Variants in ANKRD11 observed in about 807,000 individuals in gnomAD.
ANKRD11 encodes ankyrin repeat domain-containing protein 11.
In ANKRD11, 17 loss-of-function variants were observed where a neutral mutation model predicts 195.7. The observed-to-expected ratio is 0.09, with a 90% CI of 0.06 to 0.13. The LOEUF (loss-of-function observed/expected upper bound fraction) is 0.13. Ranked by LOEUF, ANKRD11 falls within the 10% of genes least tolerant of loss-of-function variation. The probability of loss-of-function intolerance (pLI) is 1.00; values close to 1 mark genes in which losing one functional copy is unlikely to be tolerated. For synonymous variants in ANKRD11, 1,953 were observed against 1,528.1 expected (o/e 1.28, Z -6.49); for missense variants, 3,735 against 3,566.1 (o/e 1.05, Z -1.21).
chr16:89,348,476 G>C, intron 2 of ANKRD11, among the ~76,000 whole-genome samples: 1 of 152,142 alleles, frequency 6.6e-6, no homozygotes, highest in East Asian at 1.9e-4. Flanking sequence ...TAGAAAGACT[G>C]GATGTGTACC....
intron 2 of ANKRD11, among the ~76,000 whole-genome samples, chr16:89,330,408 A>C (rs1017774570): frequency 6.6e-6 from 1 of 151,908 alleles, no homozygotes; most frequent in African/African-American, 2.4e-5. Context: ...CCGCTCGCAC[A>C]CCGGGAGGGC....
chr16:89,467,279 A>C (rs1205511507), intron 1 of ANKRD11, among the ~76,000 whole-genome samples: 1 of 152,090 alleles, frequency 6.6e-6, no homozygotes, highest in Non-Finnish European at 1.5e-5. Flanking sequence ...AAAAAAAAAA[A>C]ACAGAAAGAT....
At position 89,310,455 on chromosome 16, in the gene ANKRD11, G is replaced by A. The variant is rs752865922; in HGVS notation, c.88-5111C>T. On this transcript the variant is annotated intron_variant, in intron 3 of 12. Transcript: ENST00000301030. The stretch of plus-strand genomic sequence containing the variant: ...CAATTTCCCTATTAACTTTGGAATC[G>A]TCTTATGAATTTCTACCCAAAAAAG... Among the ~76,000 whole-genome samples, 7 of 152,262 alleles carry A rather than the reference G, an allele frequency of 4.6e-5. No homozygotes were observed. In the South Asian group the frequency reaches 8.3e-4, roughly 18 times the overall value.
intron 2 of ANKRD11, among the ~76,000 whole-genome samples, chr16:89,398,605 G>T (rs888367304): frequency 1.3e-5 from 2 of 152,164 alleles, no homozygotes; most frequent in African/African-American, 4.8e-5. Context: ...AGCTGGGTGT[G>T]TTGGCACCTG....
At chr16:89,443,207 C>G (rs549210245) in intron 1 of ANKRD11, 44 of 152,258 alleles carry the variant, frequency 2.9e-4, no homozygotes, top group African/African-American at 1.0e-3. Flanking sequence ...CTCAAGTGAT[C>G]TGCCCGCCCT....
intron 2 of ANKRD11, among the ~76,000 whole-genome samples, chr16:89,406,430 G>C (rs1280638488): frequency 6.6e-6 from 1 of 152,204 alleles, no homozygotes; most frequent in Non-Finnish European, 1.5e-5. Flanking sequence ...AGTCCTAGAG[G>C]AGAAGCAGCA....
In ANKRD11 at chr16:89,286,120, G is replaced by A; in HGVS notation, c.811C>T (p.Leu271=). 6.2e-7 allele frequency: 1 copy of A among 1,614,218 alleles called. No homozygotes were observed. Among genetic ancestry groups the A allele is most frequent in the Non-Finnish European group, 8.5e-7 (1 of 1,180,046 alleles). The stretch of plus-strand genomic sequence containing the variant: ...ATCGTGGGGGAGTTGGCCACTTTCA[G>A]CGGCGTCTCGCCTTTCCTGTTGCTC... The part of the protein sequence containing the change: ...QQSNRKGETP[L]KVANSPTMVN... Residue 271 remains leucine (L), a synonymous_variant, in exon 8 of 13, where the codon CTG becomes TTG. Coordinates refer to ENST00000301030, the MANE Select transcript of ANKRD11 (RefSeq NM_013275.6).
At chr16:89,350,234 A>G (rs2039146519) in intron 2 of ANKRD11, among the ~76,000 whole-genome samples, 1 of 152,234 alleles carries the variant, frequency 6.6e-6, no homozygotes, top group Non-Finnish European at 1.5e-5. Flanking sequence ...GCTGGTGGGA[A>G]CACAAAACTG....
chr16:89,308,083 A>C (rs112883122), intron 3 of ANKRD11, among the ~76,000 whole-genome samples: 4 of 151,836 alleles, frequency 2.6e-5, no homozygotes, highest in Admixed American at 6.6e-5. Context: ...AGGTTCTACC[A>C]AACATGTGAA....
At chr16:89,318,236 G>A (rs565537756) in intron 2 of ANKRD11, among the ~76,000 whole-genome samples, 18 of 152,234 alleles carry the variant, frequency 1.2e-4, no homozygotes, top group Admixed American at 6.5e-4. Flanking sequence ...GGACACTCTC[G>A]GAGCATGGGC....
chr16:89,456,992 C>T (rs1157275001), intron 1 of ANKRD11, among the ~76,000 whole-genome samples: 3 of 145,760 alleles, frequency 2.1e-5, no homozygotes, highest in Non-Finnish European at 3.0e-5. Flanking sequence ...CGGAGTCTCG[C>T]TCTGTCGCCC....
At chr16:89,455,678 C>A (rs764983940) in intron 1 of ANKRD11, among the ~76,000 whole-genome samples, 2 of 152,110 alleles carry the variant, frequency 1.3e-5, no homozygotes, top group Middle Eastern at 3.2e-3. Context: ...TACCTGCTCA[C>A]ACACCTCATC....
At chr16:89,421,045 T>G (rs1049332821) in intron 1 of ANKRD11, among the ~76,000 whole-genome samples, 3 of 152,050 alleles carry the variant, frequency 2.0e-5, no homozygotes, top group African/African-American at 7.2e-5. Flanking sequence ...CATGGAGACA[T>G]GAAGGGTCAG....
chr16:89,269,917 T>C (rs2032987418), intron 12 of ANKRD11: 1 of 152,252 alleles, frequency 6.6e-6, no homozygotes, highest in Non-Finnish European at 1.5e-5. Flanking sequence ...TTTAATGTAG[T>C]CAAACATTTA....
intron 1 of ANKRD11, among the ~76,000 whole-genome samples, chr16:89,461,565 G>A (rs756543406): frequency 4.6e-5 from 7 of 152,024 alleles, no homozygotes; most frequent in Admixed American, 2.6e-4. Flanking sequence ...GGTCTCAAAC[G>A]CCTGTGCTCA....
intron 2 of ANKRD11, among the ~76,000 whole-genome samples, chr16:89,403,253 C>T (rs1320780437): frequency 6.6e-6 from 1 of 152,192 alleles, no homozygotes; most frequent in African/African-American, 2.4e-5. Context: ...GTATCTGATG[C>T]GCACTCACTC....
Position 89,284,918 on chromosome 16 carries a change from G to A in ANKRD11, c.1624C>T (p.His542Tyr). Reference protein sequence around the residue: ...QKQNPSHTDQHTKHWRTDNWK... With the variant: ...QKQNPSHTDQYTKHWRTDNWK... ...TTGTCTGTCCGCCAGTGCTTGGTGT[G>A]CTGGTCTGTGTGGCTGGGGTTCTGC... Residue 542 changes from histidine (H) to tyrosine (Y), a missense_variant, in exon 9 of 13, where the codon CAC (histidine) becomes TAC (tyrosine). Transcript: ENST00000301030. 6.2e-7 allele frequency: 1 copy of A among 1,614,182 alleles called. No individual in the cohort carries two copies. Among genetic ancestry groups the A allele is most frequent in the Non-Finnish European group, 8.5e-7 (1 of 1,180,040 alleles).
intron 4 of ANKRD11, chr16:89,301,697 G>T: frequency 2.5e-6 from 1 of 398,732 alleles, no homozygotes; most frequent in Non-Finnish European, 4.4e-6. Flanking sequence ...CCTCCAGGCT[G>T]CTGTGCAGGG....
At position 89,291,946 on chromosome 16, in the gene ANKRD11, C is replaced by A; in HGVS notation, c.227-763G>T. ...TGTGTCTTTTAAAAGAGGCAGGAGGCAGGGGCGGGGAAGAGAAGACCCCAA... is the reference window on the plus strand; with the variant it reads ...TGTGTCTTTTAAAAGAGGCAGGAGGAAGGGGCGGGGAAGAGAAGACCCCAA... On this transcript the variant is annotated intron_variant, in intron 4 of 12. Transcript: ENST00000301030. This position sits in a 1 kb window ranked among gnomAD's most constrained non-coding sequence, Gnocchi z 5.3. The A allele has an allele frequency of 2.4e-6, 1 of 419,954 alleles. No homozygotes were observed. The allele number at this position is 419,954 out of a possible 1,614,324, so 26.0% of individuals were successfully genotyped here.
Sources: allele counts gnomAD v4.1 joint callset (sites outside exome capture counted in the v4.1 genomes callset), GRCh38; gene constraint gnomAD v4.1.1; non-coding constraint Gnocchi (gnomAD v3.1); transcripts MANE v1.5; gene names NCBI Gene and HGNC (gene_info 2026-07-23, HGNC 2026-07-21).